CYRIB: variants seen among roughly 807,000 people sequenced by gnomAD.
CYRIB encodes the protein CYFIP-related Rac1 interactor B.
Under a neutral mutation model 44.2 loss-of-function variants are expected in CYRIB, and 8 were observed. That is an observed-to-expected ratio of 0.18 (90% confidence interval 0.11 to 0.33). CYRIB has a LOEUF of 0.33. CYRIB is among the 10% of genes least tolerant of loss of function. The pLI is 1.00. For synonymous variants in CYRIB, 131 were observed against 127.2 expected, an observed-to-expected ratio of 1.03 and a Z score of -0.20; for missense variants, 185 against 382.8, an observed-to-expected ratio of 0.48 and a Z score of 4.31.
chr8:129,987,556 CT>C (rs35721101), intron 1 of CYRIB, among the ~76,000 whole-genome samples: 11,339 of 140,712 alleles, frequency 0.081, 593 homozygotes, highest in African/African-American at 0.15. Context: ...TTTTTCTTGT[CT>C]TTTTTTTTTT....
chr8:129,852,175 T>C, exon 8 of CYRIB: 1 of 1,548,586 alleles, frequency 6.5e-7, no homozygotes, highest in Non-Finnish European at 8.7e-7. Flanking sequence ...TGATACAAAT[T>C]TTGTTGTGGC....
At chr8:129,917,486 A>G (rs758494580) in intron 1 of CYRIB, among the ~76,000 whole-genome samples, 4 of 152,152 alleles carry the variant, frequency 2.6e-5, no homozygotes, top group Middle Eastern at 3.2e-3. Context: ...CCATTAGTCT[A>G]TATCTGTAAT....
chr8:129,986,389 G>A (rs926127532), intron 1 of CYRIB, among the ~76,000 whole-genome samples: 2 of 152,290 alleles, frequency 1.3e-5, no homozygotes, highest in East Asian at 1.9e-4. Context: ...TCCCTAGCCA[G>A]GTGCTACAGT....
chr8:129,944,508 C>T (rs184970191), upstream of CYRIB, among the ~76,000 whole-genome samples: 101 of 152,186 alleles, frequency 6.6e-4, 1 homozygote, highest in African/African-American at 2.4e-3. Flanking sequence ...CTTTGCCGGG[C>T]GCGGTGGCTC....
intron 1 of CYRIB, among the ~76,000 whole-genome samples, chr8:129,994,984 G>T (rs1434321564): frequency 6.6e-6 from 1 of 152,226 alleles, no homozygotes; most frequent in East Asian, 1.9e-4. Flanking sequence ...TGGCCAAGCT[G>T]AGGCCACAGG....
intron 1 of CYRIB, among the ~76,000 whole-genome samples, chr8:129,972,643 A>G (rs1454264543): frequency 6.6e-6 from 1 of 152,068 alleles, no homozygotes; most frequent in African/African-American, 2.4e-5. Flanking sequence ...ATGTACACAC[A>G]TAGACTCCAC....
chr8:130,002,000 G>A (rs1421636717), intron 1 of CYRIB, among the ~76,000 whole-genome samples: 2 of 152,134 alleles, frequency 1.3e-5, no homozygotes, highest in Admixed American at 6.6e-5. Context: ...TTCAAGAATT[G>A]CTAGCTGTCT....
At chr8:129,870,890 CA>C (rs2056899896) in intron 4 of CYRIB, among the ~76,000 whole-genome samples, 1 of 152,006 alleles carries the variant, frequency 6.6e-6, no homozygotes, top group African/African-American at 2.4e-5. Context: ...GGATGAAGAA[CA>C]AAGGTAAAGA....
chr8:129,902,685 A>G (rs905821305), intron 2 of CYRIB, among the ~76,000 whole-genome samples: 1 of 152,210 alleles, frequency 6.6e-6, no homozygotes, highest in Non-Finnish European at 1.5e-5. Context: ...ACTAAGAAGA[A>G]CACGGAAAGG....
At chr8:129,843,064 A>C (rs547234637) in intron 11 of CYRIB, among the ~76,000 whole-genome samples, 2 of 152,364 alleles carry the variant, frequency 1.3e-5, no homozygotes, top group South Asian at 4.1e-4. Context: ...AAAATCCACT[A>C]AGCAAGCTTA....
intron 1 of CYRIB, among the ~76,000 whole-genome samples, chr8:129,915,841 G>C (rs938298845): frequency 1.3e-5 from 2 of 152,116 alleles, no homozygotes; most frequent in African/African-American, 2.4e-5. Flanking sequence ...CTGTAATCTA[G>C]AGGATCTAAT....
intron 1 of CYRIB, among the ~76,000 whole-genome samples, chr8:130,000,544 T>A (rs1302378153): frequency 1.1e-4 from 16 of 151,818 alleles, no homozygotes; most frequent in Admixed American, 1.1e-3. Context: ...AATATAAAAA[T>A]TAGCCAGCCG....
intron 10 of CYRIB, among the ~76,000 whole-genome samples, chr8:129,848,493 T>C (rs530593447): frequency 6.6e-6 from 1 of 152,340 alleles, no homozygotes; most frequent in East Asian, 1.9e-4. Context: ...GAGCCAACTA[T>C]AGTCACAAAT....
intron 1 of CYRIB, among the ~76,000 whole-genome samples, chr8:129,903,574 T>C (rs1396894532): frequency 6.6e-6 from 1 of 152,140 alleles, no homozygotes; most frequent in African/African-American, 2.4e-5. Flanking sequence ...CAACAATAGG[T>C]AAGACAACCC....
chr8:129,894,690 G>T (rs2067038508), intron 2 of CYRIB: 1 of 152,188 alleles, frequency 6.6e-6, no homozygotes, highest in African/African-American at 2.4e-5. Flanking sequence ...GTAGGTTCCA[G>T]CCTAGTGGTG....
intron 1 of CYRIB, among the ~76,000 whole-genome samples, chr8:129,928,369 T>C (rs190077628): frequency 1.6e-4 from 23 of 145,510 alleles, no homozygotes; most frequent in South Asian, 8.8e-4. Flanking sequence ...AAGTCACAGA[T>C]TGAGAGAAAA....
intron 1 of CYRIB, among the ~76,000 whole-genome samples, chr8:129,993,634 T>C (rs1239790819): frequency 6.6e-6 from 1 of 151,382 alleles, no homozygotes; most frequent in Non-Finnish European, 1.5e-5. Flanking sequence ...GAGGCGGAGG[T>C]TGCAGTGAGT....
chr8:129,966,480 T>C (rs1044563490), intron 2 of CYRIB, among the ~76,000 whole-genome samples: 1 of 152,216 alleles, frequency 6.6e-6, no homozygotes, highest in Admixed American at 6.5e-5. Context: ...CTCACTCTTG[T>C]CCCATTGTCT....
At chr8:129,929,510 G>A (rs1022833277) in intron 1 of CYRIB, among the ~76,000 whole-genome samples, 2 of 152,132 alleles carry the variant, frequency 1.3e-5, no homozygotes, top group Admixed American at 1.3e-4. Flanking sequence ...ATTTTATAGT[G>A]TATAAAGTAT....
Sources: gnomAD v4.1 joint callset for allele counts (sites outside exome capture counted in the v4.1 genomes callset) on GRCh38, gnomAD v4.1.1 for gene constraint, MANE v1.5 for transcripts, NCBI Gene and HGNC (gene_info 2026-07-23, HGNC 2026-07-21) for gene names.